NCKAP1: variants seen among roughly 807,000 people sequenced by gnomAD.
The protein encoded by NCKAP1 is NCK associated protein 1.
NCKAP1 carries 21 observed loss-of-function variants against 151.2 expected under a neutral mutation model. The ratio of observed to expected loss-of-function variants is 0.14; its 90% CI spans 0.10 to 0.20. The LOEUF (loss-of-function observed/expected upper bound fraction) is 0.20, where lower values mean the gene tolerates loss of function less well. Ranked by LOEUF, NCKAP1 falls within the 10% of genes least tolerant of loss-of-function variation. The pLI is 1.00. For synonymous variants in NCKAP1, 484 were observed against 451.8 expected (o/e 1.07, Z -0.90); for missense variants, 933 against 1,352.1 (o/e 0.69, Z 4.86).
At chr2:183,009,475 G>GAAGGAAGC (rs1485338665) in intron 2 of NCKAP1, among the ~76,000 whole-genome samples, 5,587 of 98,924 alleles carry the variant, frequency 0.056, 233 homozygotes, top group East Asian at 0.14. Flanking sequence ...AGGAAGGAAG[G>GAAGGAAGC]AAGCAAGCAA....
At chr2:182,984,378 C>T in intron 10 of NCKAP1, among the ~76,000 whole-genome samples, 1 of 148,974 alleles carries the variant, frequency 6.7e-6, no homozygotes, top group East Asian at 1.9e-4. Context: ...CCTCATACTA[C>T]ACAAAATATA....
intron 23 of NCKAP1, 64 bp from the exon 24 acceptor site, chr2:182,942,227 T>C (rs1271448069): frequency 1.6e-6 from 2 of 1,242,502 alleles, no homozygotes; most frequent in Admixed American, 2.0e-5. Flanking sequence ...GATAAGAGCA[T>C]GCTTGGAAAT....
In NCKAP1 at chr2:182,964,787, C is replaced by T. The variant is rs1202782048; in HGVS notation, c.1650G>A (p.Glu550=). 6.2e-7 allele frequency: 1 copy of T among 1,601,954 alleles called. No individual in the cohort carries two copies. The highest frequency in any genetic ancestry group is 8.5e-7 in the Non-Finnish European group (1 of 1,175,524). The stretch of plus-strand genomic sequence containing the variant: ...ACTCCAAACACTGTTGAAACATCTT[C>T]TCAAAAGCACGACTATAAAAACTAT... The part of the protein sequence containing the change: ...SIFCFYSRAF[E]KMFQQCLELP... Residue 550 remains glutamate (E), a synonymous_variant, in exon 17 of 31, where the codon GAG becomes GAA. Transcript: ENST00000361354.
At chr2:182,978,747 C>A in intron 14 of NCKAP1, 87 bp downstream of exon 14, 1 of 722,566 alleles carries the variant, frequency 1.4e-6, no homozygotes, top group Non-Finnish European at 2.1e-6. Flanking sequence ...GATCATTAGC[C>A]AAATTAATTG....
intron 23 of NCKAP1, among the ~76,000 whole-genome samples, chr2:182,950,099 G>A (rs948730209): frequency 6.6e-6 from 1 of 152,192 alleles, no homozygotes; most frequent in African/African-American, 2.4e-5. Flanking sequence ...TTATGACCAT[G>A]TCTTAGTGAA....
intron 2 of NCKAP1, among the ~76,000 whole-genome samples, chr2:183,023,605 T>C (rs1361422267): frequency 6.6e-6 from 1 of 152,168 alleles, no homozygotes; most frequent in Non-Finnish European, 1.5e-5. Flanking sequence ...TTTGCTGTAA[T>C]AAAGTGGCAA....
At chr2:182,941,509 G>A (rs1425580055) in intron 24 of NCKAP1, among the ~76,000 whole-genome samples, 1 of 152,192 alleles carries the variant, frequency 6.6e-6, no homozygotes, top group Non-Finnish European at 1.5e-5. Context: ...AATCTATAGT[G>A]ACAGAAATAA....
In NCKAP1 at chr2:182,952,477, T is replaced by C; in HGVS notation, c.2529A>G (p.Leu843=). The part of the protein sequence containing the change: ...ISEMRSLSEL[L]GPYGMKFLSE... The stretch of plus-strand genomic sequence containing the variant: ...TTAGAAACTTCATACCATATGGGCC[T>C]AGTAGTTCTGATAATGACCTCATTT... The change falls in exon 23 of 31, where the codon CTA becomes CTG. Residue 843 remains leucine (L), a synonymous_variant. Coordinates refer to ENST00000361354, the MANE Select transcript of NCKAP1 (RefSeq NM_013436.5). 1.2e-6 allele frequency: 2 copies of C among 1,606,232 alleles called. No individual in the cohort carries two copies. Among genetic ancestry groups the C allele is most frequent in the Non-Finnish European group, 1.7e-6 (2 of 1,176,944 alleles).
At chr2:183,012,203 A>C (rs528636048) in intron 2 of NCKAP1, among the ~76,000 whole-genome samples, 10 of 151,368 alleles carry the variant, frequency 6.6e-5, no homozygotes, top group Admixed American at 5.9e-4. Flanking sequence ...GTAACAATAA[A>C]AACAAAATCT....
rs1373361097 is a variant in NCKAP1, at chr2:182,918,949, T to C, written c.*6753A>G. 1 of 152,224 alleles carries C rather than the reference T, an allele frequency of 6.6e-6. No homozygotes were observed. The highest frequency in any genetic ancestry group is 1.5e-5 in the Non-Finnish European group (1 of 68,022). 9.4% of individuals were successfully genotyped at this position (152,224 alleles called of 1,614,324 possible). ...ACACAACTCTGGGGCCAGATTTAAATGTTGGCCTCTGCTACTTCCTTGTAG... is the reference window on the plus strand; with the variant it reads ...ACACAACTCTGGGGCCAGATTTAAACGTTGGCCTCTGCTACTTCCTTGTAG... On this transcript the variant is annotated 3_prime_UTR_variant, in exon 31 of 31. Transcript: ENST00000361354.
In NCKAP1 at chr2:182,917,243, C is replaced by T. The variant is rs560383607; in HGVS notation, c.*8459G>A. Reference sequence around the variant, plus strand: ...TAAGTGACAGAGCTGGGATTCAAACCCCAGATTTGTTTGAGGCTGTGGCAT... The same window carrying T: ...TAAGTGACAGAGCTGGGATTCAAACTCCAGATTTGTTTGAGGCTGTGGCAT... On this transcript the variant is annotated 3_prime_UTR_variant, in exon 31 of 31. Transcript: ENST00000361354. 1 of 152,174 alleles carries T rather than the reference C, an allele frequency of 6.6e-6. No individual in the cohort carries two copies. Among genetic ancestry groups the T allele is most frequent in the African/African-American group, 2.4e-5 (1 of 41,526 alleles). 9.4% of individuals were successfully genotyped at this position (152,174 alleles called of 1,614,324 possible).
intron 23 of NCKAP1, among the ~76,000 whole-genome samples, chr2:182,950,131 C>A (rs1559078430): frequency 6.6e-6 from 1 of 152,076 alleles, no homozygotes; most frequent in African/African-American, 2.4e-5. Flanking sequence ...AATGACACAA[C>A]AGCAATCAGG....
intron 2 of NCKAP1, among the ~76,000 whole-genome samples, chr2:183,005,872 A>G (rs1055994931): frequency 2.6e-5 from 4 of 152,176 alleles, no homozygotes; most frequent in Non-Finnish European, 4.4e-5. Context: ...CAACCCCACT[A>G]TTCCTAAAGC....
intron 22 of NCKAP1, 97 bp from the exon 23 acceptor site, chr2:182,952,599 T>C (rs1439662367): frequency 7.1e-6 from 8 of 1,122,898 alleles, no homozygotes; most frequent in Middle Eastern, 2.0e-4. Context: ...TAAAAACTAA[T>C]GTAAAATCCT....
chr2:182,982,941 A>G lies in NCKAP1; in HGVS notation c.1102-14T>C. 6.4e-7 allele frequency: 1 copy of G among 1,561,970 alleles called. No individual in the cohort carries two copies. Among genetic ancestry groups the G allele is most frequent in the Non-Finnish European group, 8.7e-7 (1 of 1,150,120 alleles). On this transcript the variant is annotated splice_polypyrimidine_tract_variant and intron_variant, in intron 11 of 30. Transcript: ENST00000361354. Reference sequence around the variant, plus strand: ...AACAAAAAGTGCCTGTTTAAAAAAAAGTAAGTGTTTATTCTTATTCAAAGA... The same window carrying G: ...AACAAAAAGTGCCTGTTTAAAAAAAGGTAAGTGTTTATTCTTATTCAAAGA...
intron 2 of NCKAP1, among the ~76,000 whole-genome samples, chr2:183,016,226 G>A (rs1331165754): frequency 6.6e-6 from 1 of 152,006 alleles, no homozygotes; most frequent in Non-Finnish European, 1.5e-5. Context: ...CATGTTCTTT[G>A]GGCAAAAATA....
In NCKAP1 at chr2:183,038,162, C is replaced by G; in HGVS notation, c.-63G>C. On this transcript the variant is annotated 5_prime_UTR_variant, in exon 1 of 31. Coordinates refer to ENST00000361354, the MANE Select transcript of NCKAP1 (RefSeq NM_013436.5). ...CGCCCAGTCACGGGCCCGCGGCCTT[C>G]GCAGCAGCCTCTCTCGGGCCTCCTC... 1 of 1,245,980 alleles carries G rather than the reference C, an allele frequency of 8.0e-7. No individual in the cohort carries two copies. The highest frequency in any genetic ancestry group is 1.1e-6 in the Non-Finnish European group (1 of 927,850). 77.2% of individuals were successfully genotyped at this position (1,245,980 alleles called of 1,614,324 possible). A position where few individuals can be genotyped will look rare whatever the true frequency, so the allele number is the denominator to read the frequency against.
At chr2:182,964,627 C>T (rs1205180358) in intron 17 of NCKAP1, 49 bp downstream of exon 17, 5 of 1,435,206 alleles carry the variant, frequency 3.5e-6, no homozygotes, top group Admixed American at 5.0e-5. Flanking sequence ...CAGGTTTGAT[C>T]TAGTTTACTT....
chr2:182,988,946 A>G, intron 9 of NCKAP1, 84 bp downstream of exon 9: 2 of 1,216,722 alleles, frequency 1.6e-6, no homozygotes, highest in Non-Finnish European at 2.4e-6. Flanking sequence ...CAGTGTGACT[A>G]CTCCTTTATC....
Sources: gnomAD v4.1 joint callset for allele counts (sites outside exome capture counted in the v4.1 genomes callset) on GRCh38, gnomAD v4.1.1 for gene constraint, MANE v1.5 for transcripts, NCBI Gene and HGNC (gene_info 2026-07-23, HGNC 2026-07-21) for gene names.